Variants in GASK1A observed in about 807,000 individuals in gnomAD.
GASK1A encodes the protein Golgi-associated kinase 1A.
GASK1A carries 40 observed loss-of-function variants against 41.2 expected under a neutral mutation model. The observed-to-expected ratio is 0.97, with a 90% CI of 0.75 to 1.27. GASK1A has a LOEUF of 1.27. Ranked by LOEUF, GASK1A falls within the 50% of genes most tolerant of loss-of-function variation. GASK1A has a pLI of 0.00. For synonymous variants in GASK1A, 316 were observed against 307.1 expected, an observed-to-expected ratio of 1.03 and a Z score of -0.30; for missense variants, 678 against 745.1, an observed-to-expected ratio of 0.91 and a Z score of 1.05.
chr3:43,020,505 G>A (rs1189085540), intron 1 of GASK1A, among the ~76,000 whole-genome samples: 3 of 152,160 alleles, frequency 2.0e-5, no homozygotes, highest in African/African-American at 7.2e-5. Flanking sequence ...AGGGAGGGGT[G>A]CTAGGCTTCA....
At chr3:43,050,651 T>C (rs2089684679) in intron 2 of GASK1A, among the ~76,000 whole-genome samples, 1 of 152,156 alleles carries the variant, frequency 6.6e-6, no homozygotes, top group Non-Finnish European at 1.5e-5. Context: ...ATATATATGT[T>C]GGTACACTTG....
chr3:43,030,771 G>C (rs1266180273), intron 1 of GASK1A, among the ~76,000 whole-genome samples: 1 of 152,168 alleles, frequency 6.6e-6, no homozygotes, highest in Non-Finnish European at 1.5e-5. Context: ...ATCCAGGATG[G>C]CCCCATCAGC....
At chr3:43,004,533 T>C (rs542026262) in intron 1 of GASK1A, among the ~76,000 whole-genome samples, 1 of 152,296 alleles carries the variant, frequency 6.6e-6, no homozygotes, top group African/African-American at 2.4e-5. Flanking sequence ...CACAGCTTCT[T>C]TGGAGTTCCT....
intron 1 of GASK1A, among the ~76,000 whole-genome samples, chr3:42,982,412 T>C (rs771280256): frequency 9.2e-5 from 14 of 152,244 alleles, no homozygotes; most frequent in Admixed American, 4.6e-4. Context: ...CATTTTGGCA[T>C]ATTTCCTATT....
Position 43,033,526 on chromosome 3 carries a change from C to T in GASK1A, c.1263C>T (p.Arg421=). The change falls in exon 2 of 5, where the codon CGC becomes CGT. Residue 421 remains arginine, a synonymous_variant. Transcript: ENST00000430121. ...GCATCCACCATACCGAGTGGGCACGCCTGGCGCTCTTCGACTTCCTGTTGC... is the reference window on the plus strand; with the variant it reads ...GCATCCACCATACCGAGTGGGCACGTCTGGCGCTCTTCGACTTCCTGTTGC... ...CPGIHHTEWA[R]LALFDFLLQV... is the part of the protein sequence containing the mutation. 1 of 1,539,732 alleles carries T rather than the reference C, an allele frequency of 6.5e-7. No homozygotes were observed. Among genetic ancestry groups the T allele is most frequent in the Non-Finnish European group, 8.8e-7 (1 of 1,138,988 alleles).
At chr3:42,991,845 C>G (rs538247588) in intron 1 of GASK1A, among the ~76,000 whole-genome samples, 2 of 152,252 alleles carry the variant, frequency 1.3e-5, no homozygotes, top group South Asian at 4.1e-4. Context: ...TCCTGGGGGA[C>G]CTGGACCCCA....
intron 1 of GASK1A, among the ~76,000 whole-genome samples, chr3:42,982,469 A>T (rs1176152357): frequency 6.6e-6 from 1 of 152,200 alleles, no homozygotes; most frequent in Non-Finnish European, 1.5e-5. Context: ...CACACATGGA[A>T]TTTTGCAGTC....
chr3:43,048,583 G>A (rs1054245746), intron 2 of GASK1A, among the ~76,000 whole-genome samples: 4 of 152,194 alleles, frequency 2.6e-5, no homozygotes, highest in Non-Finnish European at 4.4e-5. Context: ...CCCAGATGAG[G>A]GCCCTTGACA....
intron 1 of GASK1A, among the ~76,000 whole-genome samples, chr3:42,994,642 C>T (rs561675686): frequency 6.6e-6 from 1 of 152,158 alleles, no homozygotes; most frequent in South Asian, 2.1e-4. Flanking sequence ...ACCTGTTCCT[C>T]TTCTCTGAAT....
At position 42,984,386 on chromosome 3, in the gene GASK1A, G is replaced by T. The variant is rs1411304246; in HGVS notation, c.3+4741G>T. Reference sequence around the variant, plus strand: ...TATACTCATACACACACATGTGCACGCACACACACACTCACGCATGCACAC... The same window carrying T: ...TATACTCATACACACACATGTGCACTCACACACACACTCACGCATGCACAC... On this transcript the variant is annotated intron_variant, in intron 1 of 4. Coordinates refer to ENST00000430121, the MANE Select transcript of GASK1A (RefSeq NM_001129908.3). This position sits in a 1 kb window ranked among gnomAD's most constrained non-coding sequence, Gnocchi z 4.2. 6.6e-6 allele frequency among the ~76,000 whole-genome samples: 1 copy of T among 151,606 alleles called. No homozygotes were observed. Among genetic ancestry groups the T allele is most frequent in the African/African-American group, 2.4e-5 (1 of 41,206 alleles).
At chr3:42,998,566 C>A (rs765228169) in intron 1 of GASK1A, among the ~76,000 whole-genome samples, 2 of 152,200 alleles carry the variant, frequency 1.3e-5, no homozygotes, top group Non-Finnish European at 2.9e-5. Context: ...GGGTGCTAAA[C>A]CTTCCACCAT....
At chr3:43,029,811 T>A (rs2089565482) in intron 1 of GASK1A, among the ~76,000 whole-genome samples, 1 of 152,148 alleles carries the variant, frequency 6.6e-6, no homozygotes, top group African/African-American at 2.4e-5. Context: ...TCCACTTCCT[T>A]TTGATTATTT....
At chr3:42,994,271 A>C (rs1216782045) in intron 1 of GASK1A, among the ~76,000 whole-genome samples, 1 of 152,150 alleles carries the variant, frequency 6.6e-6, no homozygotes, top group Non-Finnish European at 1.5e-5. Context: ...ATACTAGAGA[A>C]GGGGCCCTGG....
intron 1 of GASK1A, among the ~76,000 whole-genome samples, chr3:43,024,120 G>A (rs1275128586): frequency 1.3e-5 from 2 of 152,132 alleles, no homozygotes; most frequent in Non-Finnish European, 2.9e-5. Context: ...CTGCCCCTCC[G>A]AGGGTTAGCT....
At chr3:43,016,404 C>T (rs930956991) in intron 1 of GASK1A, among the ~76,000 whole-genome samples, 1 of 151,554 alleles carries the variant, frequency 6.6e-6, no homozygotes, top group African/African-American at 2.4e-5. Context: ...CAGGTAGAGG[C>T]TGTGTGAAGC....
chr3:43,017,177 G>T (rs915929727), intron 1 of GASK1A, among the ~76,000 whole-genome samples: 1 of 151,744 alleles, frequency 6.6e-6, no homozygotes, highest in African/African-American at 2.4e-5. Flanking sequence ...ACAGGAAGGG[G>T]CAGTGTTAGG....
chr3:43,055,922 G>C, intron 4 of GASK1A: 1 of 504,960 alleles, frequency 2.0e-6, no homozygotes, highest in South Asian at 2.5e-5. Flanking sequence ...TGGGATAGCG[G>C]AATTTATTCA....
chr3:42,999,697 C>T (rs532126141), intron 1 of GASK1A, among the ~76,000 whole-genome samples: 35 of 152,318 alleles, frequency 2.3e-4, no homozygotes, highest in African/African-American at 6.7e-4. Flanking sequence ...TGACGCACAT[C>T]GAGTGGCTCA....
chr3:43,027,855 A>G (rs375263717), intron 1 of GASK1A, among the ~76,000 whole-genome samples: 15 of 152,250 alleles, frequency 9.9e-5, no homozygotes, highest in East Asian at 1.9e-4. Flanking sequence ...TGAGTGACCA[A>G]TGGCCTGTGA....
Sources: allele counts gnomAD v4.1 joint callset (sites outside exome capture counted in the v4.1 genomes callset), GRCh38; gene constraint gnomAD v4.1.1; non-coding constraint Gnocchi (gnomAD v3.1); transcripts MANE v1.5; gene names NCBI Gene and HGNC (gene_info 2026-07-23, HGNC 2026-07-21).